The following ATP12A variants were observed in gnomAD, a reference collection of about 807,000 sequenced individuals.
ATP12A encodes potassium-transporting ATPase alpha chain 2.
In ATP12A, 81 loss-of-function variants were observed where a neutral mutation model predicts 111.2. The observed-to-expected ratio is 0.73, with a 90% confidence interval of 0.61 to 0.88. ATP12A has a LOEUF of 0.88. Ranked by LOEUF, ATP12A falls within the 40% of genes least tolerant of loss-of-function variation. The pLI, the probability that ATP12A is intolerant of heterozygous loss-of-function variation, is 0.00. For missense variants in ATP12A, 1,196 were observed against 1,313.1 expected (o/e 0.91, Z 1.38); for synonymous variants, 498 against 499.8 (o/e 1.00, Z 0.05).
Position 24,700,874 on chromosome 13 carries a change from G to A in ATP12A, c.1833G>A (p.Arg611=). 5 of 1,614,130 alleles carry A rather than the reference G, an allele frequency of 3.1e-6. No individual in the cohort carries two copies. The highest frequency in any genetic ancestry group is 4.2e-6 in the Non-Finnish European group (5 of 1,180,028). Residue 611 remains arginine, a synonymous_variant, in exon 13 of 23, where the codon CGG becomes CGA. Coordinates refer to ENST00000381946, the MANE Select transcript of ATP12A (RefSeq NM_001676.7). The part of the protein sequence containing the change: ...VGLLSMIDPP[R]STVPDAVTKC... ...TCTTGTCAATGATCGATCCCCCTCG[G>A]TCCACCGTGCCAGATGCAGTCACCA...
intron 15 of ATP12A, among the ~76,000 whole-genome samples, 198 bp downstream of exon 15, chr13:24,706,661 C>A (rs1326034030): frequency 1.3e-5 from 2 of 152,202 alleles, no homozygotes; most frequent in Admixed American, 1.3e-4. Context: ...ACCACATGTT[C>A]CCCGAAAGGC....
chr13:24,693,254 G>C (rs1448829647), intron 10 of ATP12A, among the ~76,000 whole-genome samples: 3 of 152,018 alleles, frequency 2.0e-5, no homozygotes, highest in Non-Finnish European at 2.9e-5. Flanking sequence ...AAAAATAAAA[G>C]GACTCCTGTT....
rs1428595250 is a variant in ATP12A at position 24,711,332 on chromosome 13, T to G, written c.3014T>G (p.Phe1005Cys). Residue 1005 changes from phenylalanine to cysteine, a missense_variant, in exon 22 of 23, where the codon TTT (phenylalanine) becomes TGT (cysteine). By Grantham distance (205) the Phe-to-Cys change is radical (BLOSUM62 -2). Around this residue, in one of 3 missense-constraint regions of ATP12A, gnomAD observed 1,126 missense variants for 1,228.5 expected, o/e 0.92. Transcript: ENST00000381946. ...SFTMLRAQYW[F>C]VAVPHAILIW... ...TTTGCTTCCAGGGCTCAGTACTGGT[T>G]TGTGGCTGTGCCGCACGCCATCCTG... The G allele has an allele frequency of 6.2e-6, 10 of 1,602,388 alleles. No homozygotes were observed. In the South Asian group the frequency reaches 1.0e-4, roughly 16 times the overall value.
rs1460838644 is a variant in ATP12A at position 24,690,462 on chromosome 13, A to G, written c.671A>G (p.Gln224Arg). ...GCAGACATCAGGGTGCTGTCTTCTC[A>G]GGGGTGTCGGGTAAGCGGCAAGGGG... is the stretch of plus-strand genomic sequence containing the variant. ...IPADIRVLSS[Q>R]GCRVDNSSLT... Residue 224 changes from glutamine to arginine, a missense_variant, in exon 6 of 23, where the codon CAG (glutamine) becomes CGG (arginine). Around this residue, in one of 3 missense-constraint regions of ATP12A, gnomAD observed 1,126 missense variants for 1,228.5 expected, o/e 0.92. Transcript: ENST00000381946. The G allele has an allele frequency of 3.1e-6, 5 of 1,613,626 alleles. No individual in the cohort carries two copies. Among genetic ancestry groups the G allele is most frequent in the Admixed American group, 1.7e-5 (1 of 59,930 alleles).
In ATP12A at chr13:24,694,564, A is replaced by G. The variant is rs1484519137; in HGVS notation, c.1498A>G (p.Thr500Ala). ...RKVAEIPFNS[T>A]NKFQLSIHEM... is the part of the protein sequence containing the mutation. ...AGTAGCTGAAATCCCTTTTAACTCT[A>G]CTAATAAATTTCAGGTGAGTTTTTC... The change falls in exon 11 of 23, where the codon ACT becomes GCT. Residue 500 changes from threonine (T) to alanine (A), a missense_variant. Thr to Ala is a moderately conservative substitution (Grantham distance 58). Coordinates refer to ENST00000381946, the MANE Select transcript of ATP12A (RefSeq NM_001676.7). The G allele has an allele frequency of 2.5e-6, 4 of 1,612,964 alleles. No individual in the cohort carries two copies. The highest frequency in any genetic ancestry group is 3.4e-6 in the Non-Finnish European group (4 of 1,180,016).
intron 12 of ATP12A, 84 bp from the exon 13 acceptor site, chr13:24,700,663 C>G (rs1188426476): frequency 3.1e-6 from 4 of 1,297,120 alleles, no homozygotes; most frequent in Non-Finnish European, 4.3e-6. Flanking sequence ...AGCAGAGGAC[C>G]AAGGTGTATG....
At position 24,680,668 on chromosome 13, in the gene ATP12A, C is replaced by T; in HGVS notation, c.-76C>T. 1 of 1,480,844 alleles carries T rather than the reference C, an allele frequency of 6.8e-7. No homozygotes were observed. The highest frequency in any genetic ancestry group is 9.0e-7 in the Non-Finnish European group (1 of 1,115,060). 91.7% of individuals were successfully genotyped at this position (1,480,844 alleles called of 1,614,324 possible). A position where few individuals can be genotyped will look rare whatever the true frequency, so the allele number is the denominator to read the frequency against. Reference sequence around the variant, plus strand: ...TGCCACTGCCACAGCCACACGAGGCCCCCCACCGTGCGCTCCGCCGCTGCG... The same window carrying T: ...TGCCACTGCCACAGCCACACGAGGCTCCCCACCGTGCGCTCCGCCGCTGCG... On this transcript the variant is annotated 5_prime_UTR_variant, in exon 1 of 23. Transcript: ENST00000381946.
chr13:24,706,492 G>T, intron 15 of ATP12A, 29 bp downstream of exon 15: 1 of 1,608,452 alleles, frequency 6.2e-7, no homozygotes, highest in South Asian at 1.1e-5. Flanking sequence ...CCAGAGGACT[G>T]ACAGGCCCAT....
chr13:24,708,762 G>A (rs949946087), intron 17 of ATP12A, among the ~76,000 whole-genome samples: 13 of 150,572 alleles, frequency 8.6e-5, no homozygotes, highest in African/African-American at 2.7e-4. Context: ...CCAGATAACT[G>A]GGCTAGGAAT....
At chr13:24,691,284 C>A in intron 8 of ATP12A, 34 bp downstream of exon 8, 3 of 1,581,458 alleles carry the variant, frequency 1.9e-6, no homozygotes, top group Non-Finnish European at 1.7e-6. Context: ...CTGCACCTGG[C>A]CCTGTGGACA....
At position 24,709,484 on chromosome 13, in the gene ATP12A, A is replaced by G. The variant is rs769595687; in HGVS notation, c.2614A>G (p.Ile872Val). Residue 872 changes from isoleucine (I) to valine (V), a missense_variant, in exon 18 of 23, where the codon ATT (isoleucine) becomes GTT (valine). Physicochemically the swap from Ile to Val is conservative, Grantham distance 29. This residue lies in a region of ATP12A where 1,126 missense variants were observed against 1,228.5 expected (regional missense o/e 0.92). Coordinates refer to ENST00000381946, the MANE Select transcript of ATP12A (RefSeq NM_001676.7). ...GCTCGCTGTGTACTCATACCTGCAC[A>G]TTGGTACGATGAGGGCGCGTCTTCC... is the stretch of plus-strand genomic sequence containing the variant. ...QPLAVYSYLH[I>V]GLMQALGAFL... 1.9e-6 allele frequency: 3 copies of G among 1,613,404 alleles called. No individual in the cohort carries two copies. Among genetic ancestry groups the G allele is most frequent in the Admixed American group, 1.7e-5 (1 of 60,014 alleles).
In ATP12A at chr13:24,688,422, TG is replaced by T. The variant is rs754899887; in HGVS notation, c.334del (p.Val112TrpfsTer31). On this transcript the variant is annotated frameshift_variant, in exon 4 of 23. Coordinates refer to ENST00000381946, the MANE Select transcript of ATP12A (RefSeq NM_001676.7). LOFTEE classifies it high-confidence loss of function. The stretch of plus-strand genomic sequence containing the variant: ...GAGATCGTCAAGTTCCTCAAGCAGA[TG>T]GTGGGGGGGTTCTCTATCCTCCTGT... ...TPEIVKFLKQ[M>X]VGGFSILLWV... is the part of the protein sequence containing the mutation. 2.8e-5 allele frequency: 45 copies of T among 1,614,096 alleles called. 2 individuals carry two copies. The South Asian group carries it at 4.8e-4, about 17-fold the overall frequency.
intron 14 of ATP12A, among the ~76,000 whole-genome samples, chr13:24,702,949 G>A (rs745605681): frequency 8.5e-5 from 13 of 152,196 alleles, no homozygotes; most frequent in Non-Finnish European, 1.2e-4. Context: ...ATGTTTTCAC[G>A]CATGCGGGAG....
chr13:24,709,115 AAG>A (rs1327873625), intron 17 of ATP12A, among the ~76,000 whole-genome samples: 3 of 152,242 alleles, frequency 2.0e-5, no homozygotes, highest in South Asian at 2.1e-4. Context: ...CCTGTAGGGG[AAG>A]AGTGTTTTAT....
chr13:24,682,238 T>TGTGTGGTGTGTGTGTAGC, intron 2 of ATP12A, among the ~76,000 whole-genome samples: 1 of 137,738 alleles, frequency 7.3e-6, no homozygotes, highest in Admixed American at 7.3e-5. Context: ...GTGCATGGTA[T>TGTGTGGTGTGTGTGTAGC]GTGTGGTGTG....
At chr13:24,705,644 A>T (rs767806781) in intron 14 of ATP12A, among the ~76,000 whole-genome samples, 1 of 152,146 alleles carries the variant, frequency 6.6e-6, no homozygotes, top group African/African-American at 2.4e-5. Context: ...GACCCAAAAC[A>T]TATGAACAGG....
In ATP12A at chr13:24,690,485, G is replaced by C. The variant is rs1874839493; in HGVS notation, c.681+13G>C. 2 of 1,613,574 alleles carry C rather than the reference G, an allele frequency of 1.2e-6. No individual in the cohort carries two copies. The highest frequency in any genetic ancestry group is 1.7e-6 in the Non-Finnish European group (2 of 1,179,788). On this transcript the variant is annotated intron_variant, in intron 6 of 22. Coordinates refer to ENST00000381946, the MANE Select transcript of ATP12A (RefSeq NM_001676.7). ...TCAGGGGTGTCGGGTAAGCGGCAAG[G>C]GGTATCCACCCCAAGGACCATGTTC...
chr13:24,701,120 A>G (rs1027031793), intron 13 of ATP12A, among the ~76,000 whole-genome samples, 198 bp downstream of exon 13: 1 of 152,234 alleles, frequency 6.6e-6, no homozygotes, highest in Admixed American at 6.5e-5. Flanking sequence ...TGTGGAATGA[A>G]CCACATAAAC....
chr13:24,706,669 G>A (rs1285975981), intron 15 of ATP12A, among the ~76,000 whole-genome samples: 1 of 152,184 alleles, frequency 6.6e-6, no homozygotes, highest in East Asian at 1.9e-4. Flanking sequence ...TTCCCCGAAA[G>A]GCTCACCCCA....
Sources: allele counts gnomAD v4.1 joint callset (sites outside exome capture counted in the v4.1 genomes callset), GRCh38; gene constraint gnomAD v4.1.1; regional missense constraint gnomAD v4.1.1; transcripts MANE v1.5; gene names NCBI Gene and HGNC (gene_info 2026-07-23, HGNC 2026-07-21).